Variants in DOK7 observed in about 807,000 individuals in gnomAD.
DOK7 encodes protein Dok-7.
A neutral mutation model predicts 30.7 loss-of-function variants in DOK7; 32 were observed. That is an observed-to-expected ratio of 1.04 (90% CI 0.79 to 1.40). DOK7 has a LOEUF of 1.40. Among genes scored for constraint, DOK7 ranks in the 40% most tolerant of loss-of-function variants. DOK7 has a pLI of 0.00. For synonymous variants in DOK7, 447 were observed against 324.1 expected (o/e 1.38, Z -4.07); for missense variants, 1,007 against 699.2 (o/e 1.44, Z -4.97).
At chr4:3,472,512 C>T (rs1183877710) in intron 2 of DOK7, among the ~76,000 whole-genome samples, 1 of 152,232 alleles carries the variant, frequency 6.6e-6, no homozygotes, top group African/African-American at 2.4e-5. Context: ...TGGAGCCATG[C>T]CGGGAGGGCC....
intron 6 of DOK7, among the ~76,000 whole-genome samples, chr4:3,492,348 C>T (rs571113249): frequency 2.0e-5 from 3 of 152,112 alleles, no homozygotes; most frequent in Admixed American, 6.5e-5. Context: ...ACGTCCAGAC[C>T]AGCCTGGGGC....
chr4:3,482,991 AG>A (rs1727525416), intron 4 of DOK7, among the ~76,000 whole-genome samples: 4 of 151,926 alleles, frequency 2.6e-5, no homozygotes, highest in Non-Finnish European at 5.9e-5. Flanking sequence ...CCAGAGGCCA[AG>A]AAAAGCATCA....
At chr4:3,489,517 G>A (rs916775286) in intron 5 of DOK7, among the ~76,000 whole-genome samples, 160 bp from the exon 6 acceptor site, 6 of 152,152 alleles carry the variant, frequency 3.9e-5, no homozygotes, top group African/African-American at 1.2e-4. Flanking sequence ...CTGCGTTTGA[G>A]GGCCAGCCTC....
rs769643041 is a variant in DOK7 at position 3,492,986 on chromosome 4, A to G, written c.1000A>G (p.Ser334Gly). ...PRQLQEVGRQ[S>G]SSDSGIATGS... Reference sequence around the variant, plus strand: ...GCAGCTGCAGGAGGTTGGCCGCCAGAGCTCCTCGGACAGCGGCATCGCCAC... The same window carrying G: ...GCAGCTGCAGGAGGTTGGCCGCCAGGGCTCCTCGGACAGCGGCATCGCCAC... Residue 334 changes from serine (S) to glycine (G), a missense_variant, in exon 7 of 7, where the codon AGC (serine) becomes GGC (glycine). Coordinates refer to ENST00000340083, the MANE Select transcript of DOK7 (RefSeq NM_173660.5). 1.2e-5 allele frequency: 18 copies of G among 1,556,810 alleles called. No homozygotes were observed. Among genetic ancestry groups the G allele is most frequent in the African/African-American group, 1.4e-5 (1 of 73,950 alleles).
Position 3,482,897 on chromosome 4 carries a change from C to T in DOK7, c.533-2642C>T, listed in dbSNP as rs527741158. Among the ~76,000 whole-genome samples, 7 of 152,242 alleles carry T rather than the reference C, an allele frequency of 4.6e-5. No individual in the cohort carries two copies. The South Asian group carries it at 1.2e-3, about 27-fold the overall frequency. On this transcript the variant is annotated intron_variant, in intron 4 of 6. Coordinates refer to ENST00000340083, the MANE Select transcript of DOK7 (RefSeq NM_173660.5). ...AAGGTGCTCAGCCTGGCAGCCGGGACGGCAGCAGGTGGGGCTGAACCCCAG... is the reference window on the plus strand; with the variant it reads ...AAGGTGCTCAGCCTGGCAGCCGGGATGGCAGCAGGTGGGGCTGAACCCCAG...
At chr4:3,500,904 T>G in exon 8 of DOK7, 1 of 1,457,468 alleles carries the variant, frequency 6.9e-7, no homozygotes, top group Non-Finnish European at 9.0e-7. Context: ...CCCCTTCTGT[T>G]GGGCGTGGTC....
chr4:3,492,930 C>G lies in DOK7; in HGVS notation c.944C>G (p.Ser315Ter), dbSNP rs898501852. The G allele has an allele frequency of 1.9e-6, 3 of 1,559,474 alleles. No homozygotes were observed. Among genetic ancestry groups the G allele is most frequent in the African/African-American group, 2.7e-5 (2 of 73,640 alleles). Residue 315 changes from serine to a stop codon, truncating the protein, a stop_gained, in exon 7 of 7, where the codon TCA becomes TGA. Coordinates refer to ENST00000340083, the MANE Select transcript of DOK7 (RefSeq NM_173660.5). LOFTEE classifies it low-confidence loss of function (END_TRUNC). ...QAAGEAMVGASRPPPKPLRPR... is the reference protein window; with the variant it reads ...QAAGEAMVGA ...GCCGGGGAAGCCATGGTGGGTGCCT[C>G]AAGGCCACCCCCCAAGCCGCTGCGT...
chr4:3,495,927 C>T (rs1481733585), downstream of DOK7, among the ~76,000 whole-genome samples: 2 of 152,166 alleles, frequency 1.3e-5, no homozygotes, highest in African/African-American at 4.8e-5. Flanking sequence ...GTGTGAGGGT[C>T]CCAGCCCTGT....
chr4:3,500,887 A>G lies in DOK7; in HGVS notation c.*62A>G, dbSNP rs1729154517. 36 of 1,467,128 alleles carry G rather than the reference A, an allele frequency of 2.5e-5. 1 individual carries two copies. The South Asian group carries it at 4.2e-4, about 17-fold the overall frequency. The allele number at this position is 1,467,128 out of a possible 1,614,324, so 90.9% of individuals were successfully genotyped here. ...GCTGTGCGGCCCCGTGGCCCCCGGC[A>G]GGCCAGCCCCTTCTGTTGGGCGTGG... On this transcript the variant is annotated 3_prime_UTR_variant, in exon 8 of 8. Transcript: ENST00000643608.
Position 3,493,176 on chromosome 4 carries a change from T to G in DOK7, c.1190T>G (p.Val397Gly). The change falls in exon 7 of 7, where the codon GTG becomes GGG. Residue 397 changes from valine (V) to glycine (G), a missense_variant. By Grantham distance (109) the Val-to-Gly change is moderately radical. Coordinates refer to ENST00000340083, the MANE Select transcript of DOK7 (RefSeq NM_173660.5). Reference sequence around the variant, plus strand: ...CTGCCCGGGACAGTCGAGTACCAGGTGCCCACCTCCCTGCGGGCCCACTAT... The same window carrying G: ...CTGCCCGGGACAGTCGAGTACCAGGGGCCCACCTCCCTGCGGGCCCACTAT... ...TCLPGTVEYQ[V>G]PTSLRAHYDT... The G allele has an allele frequency of 6.2e-7, 1 of 1,609,126 alleles. No individual in the cohort carries two copies. The highest frequency in any genetic ancestry group is 8.5e-7 in the Non-Finnish European group (1 of 1,178,678).
At chr4:3,495,176 G>A (rs1373870912), downstream of DOK7, among the ~76,000 whole-genome samples, 2 of 152,196 alleles carry the variant, frequency 1.3e-5, no homozygotes, top group Non-Finnish European at 1.5e-5. Flanking sequence ...CTGCACTGAG[G>A]GTCTGATGAG....
intron 5 of DOK7, among the ~76,000 whole-genome samples, chr4:3,488,624 T>C (rs978072738): frequency 2.0e-5 from 3 of 152,198 alleles, no homozygotes; most frequent in Non-Finnish European, 2.9e-5. Context: ...GGTGTAAACT[T>C]TTCATGCTGC....
chr4:3,465,084 C>A (rs1726193899), intron 2 of DOK7, among the ~76,000 whole-genome samples: 1 of 152,188 alleles, frequency 6.6e-6, no homozygotes, highest in Admixed American at 6.5e-5. Context: ...GTCCCTAGCA[C>A]CCACTGACTC....
At chr4:3,463,867 T>C (rs1726120282) in intron 2 of DOK7, among the ~76,000 whole-genome samples, 1 of 151,972 alleles carries the variant, frequency 6.6e-6, no homozygotes, top group Non-Finnish European at 1.5e-5. Flanking sequence ...CCCACATACC[T>C]GAGGGTTGAG....
At chr4:3,484,917 A>G (rs1727670374) in intron 4 of DOK7, 3 of 978,932 alleles carry the variant, frequency 3.1e-6, no homozygotes, top group African/African-American at 1.8e-5. Context: ...GTGTGGTCAC[A>G]TGGCAGCCTT....
At chr4:3,492,679 G>A in intron 6 of DOK7, 80 bp from the exon 7 acceptor site, 2 of 1,574,896 alleles carry the variant, frequency 1.3e-6, no homozygotes, top group South Asian at 1.1e-5. Flanking sequence ...GCTGGCCTGT[G>A]GGGGTCCACC....
intron 2 of DOK7, among the ~76,000 whole-genome samples, chr4:3,470,331 C>T (rs1198540127): frequency 1.3e-5 from 2 of 152,228 alleles, no homozygotes; most frequent in Non-Finnish European, 2.9e-5. Context: ...TAAGGACATA[C>T]AGGTTCCGGG....
At chr4:3,479,638 A>C (rs1727320003) in intron 4 of DOK7, among the ~76,000 whole-genome samples, 1 of 152,176 alleles carries the variant, frequency 6.6e-6, no homozygotes, top group African/African-American at 2.4e-5. Context: ...AGAGAGGGTG[A>C]CCCTGGCCCA....
chr4:3,476,319 CCT>C (rs1232783113), intron 3 of DOK7, 21 bp from the exon 4 acceptor site: 1 of 1,550,506 alleles, frequency 6.4e-7, no homozygotes, highest in Non-Finnish European at 8.7e-7. Flanking sequence ...CCCGTGATGC[CCT>C]CTTGCCCCGC....
Sources: allele counts gnomAD v4.1 joint callset (sites outside exome capture counted in the v4.1 genomes callset), GRCh38; gene constraint gnomAD v4.1.1; transcripts MANE v1.5; gene names NCBI Gene and HGNC (gene_info 2026-07-23, HGNC 2026-07-21).